The following TTC7A variants were observed in gnomAD, a reference collection of about 807,000 sequenced individuals.
The protein encoded by TTC7A is tetratricopeptide repeat domain 7A, also known as tetratricopeptide repeat protein 7A.
In TTC7A, 110 loss-of-function variants were observed where a neutral mutation model predicts 103.7. That is an observed-to-expected ratio of 1.06 (90% CI 0.91 to 1.24). The LOEUF (loss-of-function observed/expected upper bound fraction) is 1.24. Among genes scored for constraint, TTC7A ranks in the 50% most tolerant of loss-of-function variants. The pLI, the probability that TTC7A is intolerant of heterozygous loss-of-function variation, is 0.00. For missense variants in TTC7A, 1,340 were observed against 1,116.3 expected (o/e 1.20, Z -2.86); for synonymous variants, 521 against 467.9 (o/e 1.11, Z -1.47).
chr2:47,024,421 C>T (rs1170751016), intron 14 of TTC7A, 62 bp downstream of exon 14: 6 of 1,432,560 alleles, frequency 4.2e-6, no homozygotes, highest in Non-Finnish European at 4.8e-6. Context: ...TCCTGGAAAC[C>T]CAGCTTACCA....
In TTC7A at chr2:46,998,094, C is replaced by T. The variant is rs115117170; in HGVS notation, c.1065+2895C>T. On this transcript the variant is annotated intron_variant, in intron 8 of 19. Transcript: ENST00000319190. The stretch of plus-strand genomic sequence containing the variant: ...TCTGGGTTGGCTGGCCAGGTGGTGT[C>T]CTGGGAGATTCCCTGTGGCATAGGA... Among the ~76,000 whole-genome samples the T allele has an allele frequency of 7.4e-3, 1,131 of 152,088 alleles. 8 individuals are homozygous for T. Among genetic ancestry groups the T allele is most frequent in the Middle Eastern group, 0.02 (6 of 294 alleles).
intron 11 of TTC7A, among the ~76,000 whole-genome samples, chr2:47,015,409 G>A (rs1678532712): frequency 1.3e-5 from 2 of 152,226 alleles, no homozygotes; most frequent in South Asian, 4.1e-4. Context: ...GGTCTCTGAT[G>A]CCATCTCTCA....
chr2:47,038,540 C>T (rs1025924544), intron 15 of TTC7A, among the ~76,000 whole-genome samples: 4 of 152,176 alleles, frequency 2.6e-5, no homozygotes, highest in Non-Finnish European at 5.9e-5. Context: ...ATTAAAACAG[C>T]TCAGCACAGC....
chr2:46,966,063 C>A (rs1672811060), intron 3 of TTC7A, among the ~76,000 whole-genome samples: 1 of 152,104 alleles, frequency 6.6e-6, no homozygotes, highest in East Asian at 1.9e-4. Context: ...AATTCTCCTG[C>A]CTCCGCCTCC....
At chr2:46,938,029 C>G (rs1432548564), upstream of TTC7A, among the ~76,000 whole-genome samples, 1 of 152,008 alleles carries the variant, frequency 6.6e-6, no homozygotes, top group Non-Finnish European at 1.5e-5. Context: ...GGTGATGGGA[C>G]TCTTTTCTCT....
At chr2:47,069,613 C>T (rs1364582383) in intron 19 of TTC7A, among the ~76,000 whole-genome samples, 2 of 152,196 alleles carry the variant, frequency 1.3e-5, no homozygotes, top group African/African-American at 2.4e-5. Context: ...CTCCAGGAGG[C>T]CTGTGGTGAT....
intron 2 of TTC7A, among the ~76,000 whole-genome samples, chr2:46,928,409 C>T (rs1490296070): frequency 6.9e-6 from 1 of 145,650 alleles, no homozygotes; most frequent in Non-Finnish European, 1.5e-5. Context: ...GCTAGAATCT[C>T]ATGTGAGGCT....
intron 2 of TTC7A, among the ~76,000 whole-genome samples, chr2:46,928,954 G>A (rs1212141348): frequency 6.6e-6 from 1 of 152,134 alleles, no homozygotes; most frequent in Non-Finnish European, 1.5e-5. Flanking sequence ...CTTGAGGTGA[G>A]GATTTTGAGA....
chr2:46,996,117 G>A (rs769783945), intron 8 of TTC7A, among the ~76,000 whole-genome samples: 59 of 152,348 alleles, frequency 3.9e-4, no homozygotes, highest in Middle Eastern at 3.4e-3. Flanking sequence ...CCAGGGCCAA[G>A]CACTTTGGGT....
chr2:47,037,670 G>A (rs570706891), intron 15 of TTC7A, among the ~76,000 whole-genome samples: 2 of 152,186 alleles, frequency 1.3e-5, no homozygotes, highest in African/African-American at 2.4e-5. Flanking sequence ...GGCTCCAGCC[G>A]GGCACTGCTG....
At position 46,941,799 on chromosome 2, in the gene TTC7A, A is replaced by G. The variant is rs1406259790; in HGVS notation, c.184+74A>G. 8 of 1,533,730 alleles carry G rather than the reference A, an allele frequency of 5.2e-6. No homozygotes were observed. Among genetic ancestry groups the G allele is most frequent in the Non-Finnish European group, 7.0e-6 (8 of 1,136,080 alleles). The stretch of plus-strand genomic sequence containing the variant: ...ACCGCCTCCTCCAGGAAGCGCGCCC[A>G]GACAGTCCTCGGCCGACAGCGGGCG... On this transcript the variant is annotated intron_variant, in intron 1 of 19. Coordinates refer to ENST00000319190, the MANE Select transcript of TTC7A (RefSeq NM_020458.4). The surrounding 1 kb of genome is among the most constrained non-coding windows in gnomAD (Gnocchi z 4.2).
At chr2:47,034,068 T>C (rs1680850413) in intron 15 of TTC7A, 1 of 152,232 alleles carries the variant, frequency 6.6e-6, no homozygotes, top group South Asian at 2.1e-4. Context: ...TTCTGTGCTG[T>C]GGGATGACCT....
At chr2:47,064,449 C>T (rs1402439188) in intron 19 of TTC7A, among the ~76,000 whole-genome samples, 1 of 152,238 alleles carries the variant, frequency 6.6e-6, no homozygotes, top group Non-Finnish European at 1.5e-5. Context: ...ACTTTGCCTG[C>T]CTGCCAATGG....
chr2:46,961,888 G>T (rs1266202526), intron 3 of TTC7A, among the ~76,000 whole-genome samples: 7 of 152,152 alleles, frequency 4.6e-5, no homozygotes, highest in Non-Finnish European at 1.0e-4. Context: ...CAGCTTGGGT[G>T]ACAGAACAAG....
rs1572699325 is a variant in TTC7A at position 46,950,438 on chromosome 2, A to G, written c.260A>G (p.Asp87Gly). 2 of 1,613,798 alleles carry G rather than the reference A, an allele frequency of 1.2e-6. No individual in the cohort carries two copies. Among genetic ancestry groups the G allele is most frequent in the African/African-American group, 1.3e-5 (1 of 74,816 alleles). Residue 87 changes from aspartate (D) to glycine (G), a missense_variant, in exon 2 of 20, where the codon GAC (aspartate) becomes GGC (glycine). Transcript: ENST00000319190. ...AAGGAGAACCATGCCAAAATAAAAGACTCCATGCCTTTGCTGGAGAAGAAT... is the reference window on the plus strand; with the variant it reads ...AAGGAGAACCATGCCAAAATAAAAGGCTCCATGCCTTTGCTGGAGAAGAAT... ...CLKENHAKIK[D>G]SMPLLEKNEP...
chr2:47,051,719 C>T, intron 17 of TTC7A, 27 bp from the exon 18 acceptor site: 1 of 1,598,672 alleles, frequency 6.3e-7, no homozygotes. Context: ...CTGACCACTG[C>T]TCGGCTCGTG....
intron 4 of TTC7A, among the ~76,000 whole-genome samples, chr2:46,976,797 C>T (rs1276160421): frequency 6.6e-6 from 1 of 152,220 alleles, no homozygotes; most frequent in Non-Finnish European, 1.5e-5. Flanking sequence ...TGGCAACTGT[C>T]CCCTGAGGGC....
intron 8 of TTC7A, chr2:46,999,416 T>A: frequency 1.1e-6 from 1 of 893,126 alleles, no homozygotes; most frequent in Non-Finnish European, 1.3e-6. Context: ...CTACCAACCC[T>A]GCATCTACCT....
At chr2:47,004,979 G>T (rs548093243) in intron 8 of TTC7A, among the ~76,000 whole-genome samples, 74 of 152,256 alleles carry the variant, frequency 4.9e-4, no homozygotes, top group African/African-American at 1.6e-3. Flanking sequence ...TTGATGGGGA[G>T]CTTCTGGCTT....
Sources: gnomAD v4.1 joint callset for allele counts (sites outside exome capture counted in the v4.1 genomes callset) on GRCh38, gnomAD v4.1.1 for gene constraint, Gnocchi (gnomAD v3.1) non-coding constraint, MANE v1.5 for transcripts, NCBI Gene and HGNC (gene_info 2026-07-23, HGNC 2026-07-21) for gene names.